The following PHC2 variants were observed in gnomAD, a reference collection of about 807,000 sequenced individuals.
The protein encoded by PHC2 is polyhomeotic homolog 2.
A neutral mutation model predicts 87.4 loss-of-function variants in PHC2; 29 were observed. The ratio of observed to expected loss-of-function variants is 0.33; its 90% CI spans 0.25 to 0.45. The LOEUF is 0.45. Ranked by LOEUF, PHC2 falls within the 20% of genes least tolerant of loss-of-function variation. The pLI, the probability that PHC2 is intolerant of heterozygous loss-of-function variation, is 1.00. For missense variants in PHC2, 857 were observed against 1,136.7 expected (o/e 0.75, Z 3.54); for synonymous variants, 438 against 461.7 (o/e 0.95, Z 0.66).
rs1276289851 is a variant in PHC2, at chr1:33,354,384, C to T, written c.1558+17G>A. Reference sequence around the variant, plus strand: ...CCAACTTCCTCCCCTCCCCCAGGGCCCCACTGTGCTTCATACCGTGAGCTG... The same window carrying T: ...CCAACTTCCTCCCCTCCCCCAGGGCTCCACTGTGCTTCATACCGTGAGCTG... On this transcript the variant is annotated intron_variant, in intron 9 of 14. Coordinates refer to ENST00000683057, the MANE Select transcript of PHC2 (RefSeq NM_001385109.1). 6.2e-7 allele frequency: 1 copy of T among 1,600,696 alleles called. No homozygotes were observed.
chr1:33,329,330 T>C (rs1263066391), intron 13 of PHC2, among the ~76,000 whole-genome samples, 184 bp from the exon 14 acceptor site: 3 of 152,188 alleles, frequency 2.0e-5, no homozygotes, highest in Non-Finnish European at 4.4e-5. Context: ...CTCTTAGTAT[T>C]GTAGTGTCTA....
rs368530818 is a variant in PHC2, at chr1:33,330,468, A to G, written c.2007-256T>C. On this transcript the variant is annotated intron_variant, in intron 12 of 14. Transcript: ENST00000683057. ...TCTTACAACATGAGATAATGTCTGT[A>G]AAATGTTTGAGACACCTGGACTTGG... 3.3e-5 allele frequency among the ~76,000 whole-genome samples: 5 copies of G among 152,344 alleles called. No individual in the cohort carries two copies. In the East Asian group the frequency reaches 5.8e-4, roughly 18 times the overall value.
intron 1 of PHC2, among the ~76,000 whole-genome samples, chr1:33,403,762 T>C (rs902744036): frequency 3.9e-5 from 6 of 152,284 alleles, no homozygotes; most frequent in Non-Finnish European, 5.9e-5. Context: ...TAATAAACAT[T>C]TTCAATTCTC....
intron 1 of PHC2, among the ~76,000 whole-genome samples, chr1:33,389,184 G>T (rs1020763514): frequency 6.6e-6 from 1 of 152,084 alleles, no homozygotes; most frequent in African/African-American, 2.4e-5. Context: ...GGCAGGGTGT[G>T]GGGGGTGCGA....
intron 1 of PHC2, among the ~76,000 whole-genome samples, chr1:33,412,591 G>A (rs1650027607): frequency 6.6e-6 from 1 of 152,110 alleles, no homozygotes; most frequent in African/African-American, 2.4e-5. Flanking sequence ...TTTAATCCTT[G>A]CACAGGCCAG....
intron 1 of PHC2, among the ~76,000 whole-genome samples, chr1:33,426,705 A>G (rs1650686155): frequency 6.6e-6 from 1 of 152,124 alleles, no homozygotes. Context: ...GTCCAAAATG[A>G]GGGGACCATA....
At chr1:33,403,234 C>T (rs1162595259) in intron 1 of PHC2, among the ~76,000 whole-genome samples, 1 of 143,610 alleles carries the variant, frequency 7.0e-6, no homozygotes, top group Non-Finnish European at 1.5e-5. Context: ...TCAAGAGATT[C>T]TCCTGCCTCA....
chr1:33,352,831 G>A (rs918397291), intron 9 of PHC2, among the ~76,000 whole-genome samples: 1 of 152,188 alleles, frequency 6.6e-6, no homozygotes, highest in African/African-American at 2.4e-5. Context: ...TCAGAGTCAT[G>A]GCGCTGCCCT....
At chr1:33,404,237 A>G (rs995639621) in intron 1 of PHC2, among the ~76,000 whole-genome samples, 4 of 152,258 alleles carry the variant, frequency 2.6e-5, no homozygotes, top group Admixed American at 6.5e-5. Context: ...CTTGATTAAA[A>G]CAAATAGGCT....
intron 7 of PHC2, among the ~76,000 whole-genome samples, chr1:33,356,157 T>C (rs1217929067): frequency 1.3e-5 from 2 of 151,278 alleles, no homozygotes; most frequent in African/African-American, 4.8e-5. Flanking sequence ...CCTACCACAG[T>C]GCCTGACAGG....
intron 2 of PHC2, 120 bp from the exon 3 acceptor site, chr1:33,372,567 GACCACCACCACA>G (rs771151120): frequency 1.2e-6 from 1 of 836,826 alleles, no homozygotes; most frequent in Non-Finnish European, 1.7e-6. Flanking sequence ...CAAGATCTGT[GACCACCACCACA>G]GCCAATTGTG....
In PHC2 at chr1:33,329,154, CAG is replaced by C. The variant is rs1423572588; in HGVS notation, c.2149-10_2149-9del. On this transcript the variant is annotated splice_polypyrimidine_tract_variant and intron_variant, in intron 13 of 14. Transcript: ENST00000683057. ...GGGCACAGTGCCTGTTGGCTGGGAG[CAG>C]AGAGTTTTCTTCAGGATGGGGGAAC... 20 of 1,607,960 alleles carry C rather than the reference CAG, an allele frequency of 1.2e-5. No individual in the cohort carries two copies. The highest frequency in any genetic ancestry group is 1.5e-5 in the Non-Finnish European group (18 of 1,175,626).
chr1:33,422,143 G>C (rs1650458859), intron 1 of PHC2, among the ~76,000 whole-genome samples: 2 of 152,192 alleles, frequency 1.3e-5, no homozygotes, highest in South Asian at 4.1e-4. Context: ...CATTGCTTCT[G>C]TCTGGCTGAG....
In PHC2 at chr1:33,338,836, T is replaced by C. The variant is rs117836468; in HGVS notation, c.1559-4544A>G. ...AAAGGTGGAGGCAGGATAAGGCCGA[T>C]GGGAGAGGCTGGGGGAGGGGAGTAA... On this transcript the variant is annotated intron_variant, in intron 9 of 14. Coordinates refer to ENST00000683057, the MANE Select transcript of PHC2 (RefSeq NM_001385109.1). 7.6e-4 allele frequency among the ~76,000 whole-genome samples: 115 copies of C among 151,444 alleles called. 1 individual carries two copies. The East Asian group carries it at 0.019, about 25-fold the overall frequency.
chr1:33,371,146 T>G, intron 3 of PHC2, 52 bp from the exon 4 acceptor site: 1 of 1,424,806 alleles, frequency 7.0e-7, no homozygotes, highest in African/African-American at 1.4e-5. Context: ...CCCCAGTCAC[T>G]CCTGGGCTCT....
intron 9 of PHC2, chr1:33,350,223 C>A (rs1646943802): frequency 6.6e-6 from 1 of 152,256 alleles, no homozygotes; most frequent in Admixed American, 6.5e-5. Context: ...CCACCAGTCA[C>A]CGAGAGCTCA....
At chr1:33,327,810 G>A (rs1646403814) in intron 14 of PHC2, among the ~76,000 whole-genome samples, 1 of 152,176 alleles carries the variant, frequency 6.6e-6, no homozygotes, top group African/African-American at 2.4e-5. Flanking sequence ...GAGGCACCTT[G>A]GAAGAGATCC....
rs1037158543 is a variant in PHC2 at position 33,342,380 on chromosome 1, A to G, written c.1559-8088T>C. On this transcript the variant is annotated intron_variant, in intron 9 of 14. Coordinates refer to ENST00000683057, the MANE Select transcript of PHC2 (RefSeq NM_001385109.1). Reference sequence around the variant, plus strand: ...ACTTTCATGCTGTCTCTCAGGACACAGGCAAAGAGAACGGCCCTTCTGACT... The same window carrying G: ...ACTTTCATGCTGTCTCTCAGGACACGGGCAAAGAGAACGGCCCTTCTGACT... Among the ~76,000 whole-genome samples the G allele has an allele frequency of 2.0e-5, 3 of 152,230 alleles. No individual in the cohort carries two copies. In the East Asian group the frequency reaches 5.8e-4, roughly 29 times the overall value.
At chr1:33,420,896 C>T (rs1296287605) in intron 1 of PHC2, among the ~76,000 whole-genome samples, 12 of 152,214 alleles carry the variant, frequency 7.9e-5, no homozygotes, top group Non-Finnish European at 1.5e-4. Context: ...CAGGTGTAAG[C>T]CACTGTGCCC....
Sources: gnomAD v4.1 joint callset for allele counts (sites outside exome capture counted in the v4.1 genomes callset) on GRCh38, gnomAD v4.1.1 for gene constraint, MANE v1.5 for transcripts, NCBI Gene and HGNC (gene_info 2026-07-23, HGNC 2026-07-21) for gene names.